Variants in TMCO6 observed in about 807,000 individuals in gnomAD.
The protein encoded by TMCO6 is transmembrane and coiled-coil domains 6, also known as transmembrane and coiled-coil domain-containing protein 6.
TMCO6 carries 47 observed loss-of-function variants against 61.8 expected under a neutral mutation model. The ratio of observed to expected loss-of-function variants is 0.76; its 90% CI spans 0.60 to 0.97. TMCO6 has a LOEUF of 0.97. TMCO6 is among the 50% of genes least tolerant of loss of function. The probability of loss-of-function intolerance (pLI) is 0.00; values close to 1 mark genes in which losing one functional copy is unlikely to be tolerated. For synonymous variants in TMCO6, 261 were observed against 254.2 expected (o/e 1.03, Z -0.25); for missense variants, 557 against 601.6 (o/e 0.93, Z 0.78).
chr5:140,647,636 T>A (rs747127939), downstream of TMCO6: 1 of 1,585,272 alleles, frequency 6.3e-7, no homozygotes, highest in South Asian at 1.1e-5. Flanking sequence ...AGTGCTCCGG[T>A]CTGACCAACC....
At chr5:140,613,891 T>TTTGTTG in the TMCO6 span, among the ~76,000 whole-genome samples, 2 of 150,554 alleles carry the variant, frequency 1.3e-5, no homozygotes, top group African/African-American at 2.4e-5. Context: ...ATCGTTTTTT[T>TTTGTTG]TTGTTGTTGT....
the TMCO6 span, chr5:140,633,369 T>A: frequency 3.7e-6 from 2 of 539,744 alleles, no homozygotes; most frequent in Non-Finnish European, 6.7e-6. Context: ...TCTAGGGTTC[T>A]GTGTCTCCTG....
the TMCO6 span, among the ~76,000 whole-genome samples, chr5:140,628,184 AT>A: frequency 4.6e-4 from 14 of 30,180 alleles, no homozygotes; most frequent in African/African-American, 1.6e-3. Context: ...ATATATATAT[AT>A]TTTTTCCCAT....
At chr5:140,642,509 C>G in intron 5 of TMCO6, 77 bp from the exon 6 acceptor site, 1 of 1,603,436 alleles carries the variant, frequency 6.2e-7, no homozygotes, top group Non-Finnish European at 8.5e-7. Flanking sequence ...AGCCTCTGCC[C>G]TGTGCCAAGG....
At chr5:140,625,739 T>C in the TMCO6 span, among the ~76,000 whole-genome samples, 3 of 152,314 alleles carry the variant, frequency 2.0e-5, no homozygotes, top group South Asian at 6.2e-4. Context: ...TGTCAGGTAG[T>C]GGGAGCTCAA....
the TMCO6 span, among the ~76,000 whole-genome samples, chr5:140,611,091 T>G: frequency 6.6e-6 from 1 of 152,182 alleles, no homozygotes; most frequent in Non-Finnish European, 1.5e-5. Context: ...GACAGGTTTA[T>G]TTTGGAGCAT....
At chr5:140,627,031 C>T in the TMCO6 span, among the ~76,000 whole-genome samples, 2 of 152,084 alleles carry the variant, frequency 1.3e-5, no homozygotes, top group Non-Finnish European at 2.9e-5. Flanking sequence ...TTTCCCTATC[C>T]AACTTAAAAT....
chr5:140,607,008 T>A, the TMCO6 span, among the ~76,000 whole-genome samples: 111 of 149,154 alleles, frequency 7.4e-4, no homozygotes, highest in Admixed American at 1.7e-3. Flanking sequence ...AAAATAATAA[T>A]AATAATAATG....
At chr5:140,616,892 T>C in the TMCO6 span, among the ~76,000 whole-genome samples, 5 of 150,446 alleles carry the variant, frequency 3.3e-5, no homozygotes, top group African/African-American at 1.2e-4. Flanking sequence ...AAAAAATAAA[T>C]GTTAGGCAGG....
At position 140,639,784 on chromosome 5, in the gene TMCO6, TGCTGAGAAACGACGCCCCAGAGGAA is replaced by T. The variant is rs1561943714; in HGVS notation, c.136_160del (p.Arg46GlufsTer64). ...GAGCAGCAGCTGGTCAGCAAGAGGC[TGCTGAGAAACGACGCCCCAGAGGAA>T]GCTGGAGAGGGATGTGTGGCTGCGA... On this transcript the variant is annotated frameshift_variant, in exon 2 of 12. Transcript: ENST00000394671. LOFTEE classifies it high-confidence loss of function. The T allele has an allele frequency of 6.2e-7, 1 of 1,608,900 alleles. No individual in the cohort carries two copies. Among genetic ancestry groups the T allele is most frequent in the Non-Finnish European group, 8.5e-7 (1 of 1,178,344 alleles).
the TMCO6 span, among the ~76,000 whole-genome samples, chr5:140,612,008 G>GT: frequency 2.6e-5 from 4 of 152,018 alleles, no homozygotes; most frequent in Non-Finnish European, 5.9e-5. Context: ...GAGAGAGCAA[G>GT]TTTTTTTTGA....
chr5:140,598,804 C>T, the TMCO6 span, among the ~76,000 whole-genome samples: 1 of 152,122 alleles, frequency 6.6e-6, no homozygotes, highest in African/African-American at 2.4e-5. Flanking sequence ...GGTGTGGTGG[C>T]AGGCGACTGT....
At chr5:140,630,739 T>C in the TMCO6 span, among the ~76,000 whole-genome samples, 1 of 152,224 alleles carries the variant, frequency 6.6e-6, no homozygotes, top group Non-Finnish European at 1.5e-5. Flanking sequence ...TTCTGACATA[T>C]TTTGAGTCTG....
the TMCO6 span, among the ~76,000 whole-genome samples, chr5:140,627,448 T>C: frequency 6.6e-6 from 1 of 152,242 alleles, no homozygotes. Context: ...GTGTCTGACC[T>C]GCCTAATTTA....
At chr5:140,632,116 G>C in the TMCO6 span, 2 of 1,614,210 alleles carry the variant, frequency 1.2e-6, no homozygotes, top group South Asian at 2.2e-5. The surrounding 1 kb of genome is among the most constrained non-coding windows in gnomAD (Gnocchi z 6.2). Flanking sequence ...TTAGGCACCT[G>C]TTCCAGCCCA....
chr5:140,599,023 T>A, the TMCO6 span, among the ~76,000 whole-genome samples: 1 of 152,242 alleles, frequency 6.6e-6, no homozygotes, highest in Non-Finnish European at 1.5e-5. Flanking sequence ...ATTTGTTCAA[T>A]GTAATCTATC....
At chr5:140,644,433 T>G in intron 10 of TMCO6, 140 bp from the exon 11 acceptor site, 1 of 1,019,218 alleles carries the variant, frequency 9.8e-7, no homozygotes, top group Non-Finnish European at 1.5e-6. Context: ...CATCATAGGG[T>G]AGTTGTAGGA....
At chr5:140,625,304 C>T in the TMCO6 span, among the ~76,000 whole-genome samples, 9 of 152,230 alleles carry the variant, frequency 5.9e-5, no homozygotes, top group Non-Finnish European at 1.3e-4. Flanking sequence ...AGGTGGCTCT[C>T]TATTTCACCT....
chr5:140,632,336 G>C, the TMCO6 span: 9 of 1,613,990 alleles, frequency 5.6e-6, no homozygotes, highest in Non-Finnish European at 2.5e-6. This position sits in a 1 kb window ranked among gnomAD's most constrained non-coding sequence, Gnocchi z 6.2. Context: ...TGTGGGGACA[G>C]AGAGCCGCCA....
Sources: gnomAD v4.1 joint callset for allele counts (sites outside exome capture counted in the v4.1 genomes callset) on GRCh38, gnomAD v4.1.1 for gene constraint, Gnocchi (gnomAD v3.1) non-coding constraint, MANE v1.5 for transcripts, NCBI Gene and HGNC (gene_info 2026-07-23, HGNC 2026-07-21) for gene names.